Variants in CTNNA2 observed in about 807,000 individuals in gnomAD.
CTNNA2 encodes the protein catenin alpha 2.
CTNNA2 carries 42 observed loss-of-function variants against 101.0 expected under a neutral mutation model. The observed-to-expected ratio is 0.42, with a 90% CI of 0.32 to 0.54. The LOEUF (loss-of-function observed/expected upper bound fraction) is 0.54, where lower values mean the gene tolerates loss of function less well. Ranked by LOEUF, CTNNA2 falls within the 20% of genes least tolerant of loss-of-function variation. The probability of loss-of-function intolerance (pLI) is 0.14; values close to 1 mark genes in which losing one functional copy is unlikely to be tolerated. For missense variants in CTNNA2, 871 were observed against 1,223.1 expected, an observed-to-expected ratio of 0.71 and a Z score of 4.29; for synonymous variants, 450 against 456.4, an observed-to-expected ratio of 0.99 and a Z score of 0.18.
At chr2:80,623,130 T>C (rs923456163) in intron 18 of CTNNA2, among the ~76,000 whole-genome samples, 1 of 151,272 alleles carries the variant, frequency 6.6e-6, no homozygotes, top group African/African-American at 2.4e-5. Context: ...ACAACTGTTC[T>C]CCTTTCTTCC....
intron 9 of CTNNA2, among the ~76,000 whole-genome samples, chr2:80,519,098 A>C (rs1689321622): frequency 6.6e-6 from 1 of 152,062 alleles, no homozygotes; most frequent in Non-Finnish European, 1.5e-5. Context: ...GAATACAAGA[A>C]TAAACACCTC....
At chr2:79,651,689 A>G (rs1376162363) in intron 2 of CTNNA2, 31 bp downstream of exon 2, 3 of 1,566,812 alleles carry the variant, frequency 1.9e-6, no homozygotes, top group Admixed American at 3.3e-5. Flanking sequence ...ACTTTGTTAT[A>G]TATGTGTTTC....
intron 1 of CTNNA2, among the ~76,000 whole-genome samples, chr2:79,637,794 A>G (rs1680178638): frequency 6.6e-6 from 1 of 152,194 alleles, no homozygotes; most frequent in African/African-American, 2.4e-5. Context: ...AGGAAGTTGA[A>G]TTTTATCTTG....
Position 80,096,510 on chromosome 2 carries a change from T to C in CTNNA2, c.1056+186713T>C, listed in dbSNP as rs544455233. ...TTTGAAGTGGAGAGTTCTGTAGATGTCTGTATTAGGTCCACTTGGTGCAGA... is the reference window on the plus strand; with the variant it reads ...TTTGAAGTGGAGAGTTCTGTAGATGCCTGTATTAGGTCCACTTGGTGCAGA... On this transcript the variant is annotated intron_variant, in intron 7 of 18. Coordinates refer to ENST00000402739, the MANE Select transcript of CTNNA2 (RefSeq NM_001282597.3). Among the ~76,000 whole-genome samples the C allele has an allele frequency of 3.2e-3, 481 of 152,326 alleles. 1 individual carries two copies. Among genetic ancestry groups the C allele is most frequent in the Middle Eastern group, 0.01 (3 of 294 alleles).
At chr2:80,168,868 TGATTCCCGCAAAC>T (rs1197203575) in intron 7 of CTNNA2, among the ~76,000 whole-genome samples, 2 of 152,186 alleles carry the variant, frequency 1.3e-5, no homozygotes, top group African/African-American at 4.8e-5. Context: ...CCAACCCAGT[TGATTCCCGCAAAC>T]CAAATTTTCT....
At chr2:79,834,593 C>T (rs955951283) in intron 3 of CTNNA2, among the ~76,000 whole-genome samples, 4 of 151,730 alleles carry the variant, frequency 2.6e-5, no homozygotes, top group African/African-American at 9.7e-5. Flanking sequence ...CATCTTAAAG[C>T]ATGATTCTTA....
chr2:80,374,814 G>GT (rs1395731880), intron 7 of CTNNA2, among the ~76,000 whole-genome samples: 1 of 151,756 alleles, frequency 6.6e-6, no homozygotes, highest in Non-Finnish European at 1.5e-5. Context: ...TTTAAAGGTC[G>GT]TATCGCCCAA....
In CTNNA2 at chr2:79,283,433, G is replaced by A. The variant is rs1478914756; in HGVS notation, c.-405-29276G>A. ...TTTAATCCATCTTGAATTGATTTTTGTATAAGGTGTAAGGAAGGGATCCAG... is the reference window on the plus strand; with the variant it reads ...TTTAATCCATCTTGAATTGATTTTTATATAAGGTGTAAGGAAGGGATCCAG... On this transcript the variant is annotated intron_variant, in intron 2 of 21. Transcript: ENST00000466387. 1.3e-4 allele frequency among the ~76,000 whole-genome samples: 13 copies of A among 98,110 alleles called. No homozygotes were observed. The East Asian group carries it at 1.6e-3, about 12-fold the overall frequency. The allele number at this position is 98,110 out of a possible 152,430, so 64.4% of individuals were successfully genotyped here.
chr2:80,081,081 T>A (rs1699111553), intron 7 of CTNNA2, among the ~76,000 whole-genome samples: 1 of 150,690 alleles, frequency 6.6e-6, no homozygotes, highest in Non-Finnish European at 1.5e-5. Context: ...AACAGTACAT[T>A]AATATTTTAA....
At chr2:79,240,824 T>C (rs750158291) in intron 2 of CTNNA2, among the ~76,000 whole-genome samples, 1 of 152,102 alleles carries the variant, frequency 6.6e-6, no homozygotes, top group East Asian at 1.9e-4. Flanking sequence ...TAACCCAGAA[T>C]ACACTTAGCA....
chr2:80,568,246 A>G (rs1274170777), intron 12 of CTNNA2, among the ~76,000 whole-genome samples: 3 of 152,130 alleles, frequency 2.0e-5, no homozygotes, highest in African/African-American at 7.2e-5. Flanking sequence ...AAATTACTGA[A>G]CCAATGCTAA....
intron 1 of CTNNA2, among the ~76,000 whole-genome samples, chr2:79,616,206 G>A (rs530709541): frequency 6.6e-6 from 1 of 152,224 alleles, no homozygotes; most frequent in East Asian, 1.9e-4. Context: ...TAAATTATTG[G>A]CTTGTAAGTG....
intron 18 of CTNNA2, among the ~76,000 whole-genome samples, chr2:80,630,166 C>G (rs192843427): frequency 2.6e-4 from 39 of 152,176 alleles, no homozygotes; most frequent in African/African-American, 8.7e-4. Context: ...TATTTCTATT[C>G]CCAACGGTAA....
intron 2 of CTNNA2, among the ~76,000 whole-genome samples, chr2:79,225,587 C>T (rs1363409760): frequency 6.6e-6 from 1 of 152,116 alleles, no homozygotes; most frequent in Non-Finnish European, 1.5e-5. Context: ...CATGTGGCTA[C>T]ACCTGACTCA....
intron 4 of CTNNA2, among the ~76,000 whole-genome samples, chr2:79,413,745 T>C (rs1678444208): frequency 6.6e-6 from 1 of 151,990 alleles, no homozygotes; most frequent in African/African-American, 2.4e-5. Context: ...ATATTTTTGA[T>C]AATAGCTGGT....
chr2:80,030,720 G>C (rs114839495), intron 7 of CTNNA2, among the ~76,000 whole-genome samples: 1 of 152,138 alleles, frequency 6.6e-6, no homozygotes, highest in Admixed American at 6.5e-5. Flanking sequence ...GTAGAAAACT[G>C]AGTAATGGAC....
At chr2:79,216,715 G>A (rs1361122645) in intron 2 of CTNNA2, among the ~76,000 whole-genome samples, 3 of 149,810 alleles carry the variant, frequency 2.0e-5, no homozygotes, top group Admixed American at 1.3e-4. Context: ...GGGGGTTCTT[G>A]CCCCCTAGAA....
chr2:79,251,539 T>G (rs528368418), intron 2 of CTNNA2, among the ~76,000 whole-genome samples: 1 of 152,194 alleles, frequency 6.6e-6, no homozygotes, highest in East Asian at 1.9e-4. Context: ...CTTCCAAGAT[T>G]AGGTTATAAA....
chr2:79,624,004 TAC>T (rs959498362), intron 1 of CTNNA2, among the ~76,000 whole-genome samples: 1 of 151,992 alleles, frequency 6.6e-6, no homozygotes, highest in Non-Finnish European at 1.5e-5. Context: ...CTCTCCCCCG[TAC>T]AGTCTCTCTC....
Sources: gnomAD v4.1 joint callset for allele counts (sites outside exome capture counted in the v4.1 genomes callset) on GRCh38, gnomAD v4.1.1 for gene constraint, MANE v1.5 for transcripts, NCBI Gene and HGNC (gene_info 2026-07-23, HGNC 2026-07-21) for gene names.